R3HDM2: variants seen among roughly 807,000 people sequenced by gnomAD.
The protein encoded by R3HDM2 is R3H domain containing 2.
A neutral mutation model predicts 124.5 loss-of-function variants in R3HDM2; 38 were observed. That is an observed-to-expected ratio of 0.31 (90% CI 0.24 to 0.40). The LOEUF is 0.40. Among genes scored for constraint, R3HDM2 ranks in the 10% least tolerant of loss-of-function variants. The pLI is 1.00. For missense variants in R3HDM2, 869 were observed against 1,236.9 expected (o/e 0.70, Z 4.46); for synonymous variants, 391 against 448.0 (o/e 0.87, Z 1.61).
rs145955083 is a variant in R3HDM2, at chr12:57,397,054, T to C, written c.-105-1236A>G. Among the ~76,000 whole-genome samples the C allele has an allele frequency of 1.4e-3, 205 of 151,514 alleles. 2 individuals are homozygous for C. Among genetic ancestry groups the C allele is most frequent in the African/African-American group, 4.5e-3 (186 of 41,246 alleles). ...ATTGCAGTGAGCCAAGATCACACCA[T>C]TGCACTCCAGCCTGGGCAGCAAGAG... On this transcript the variant is annotated intron_variant, in intron 1 of 23. Transcript: ENST00000402412.
At position 57,268,357 on chromosome 12, in the gene R3HDM2, G is replaced by C. The variant is rs777902951; in HGVS notation, c.1976C>G (p.Ala659Gly). The C allele has an allele frequency of 5.0e-6, 8 of 1,614,098 alleles. No individual in the cohort carries two copies. The highest frequency in any genetic ancestry group is 6.8e-6 in the Non-Finnish European group (8 of 1,180,008). Residue 659 changes from alanine (A) to glycine (G), a missense_variant, in exon 18 of 24, where the codon GCG becomes GGG. By Grantham distance (60) the Ala-to-Gly change is moderately conservative. This residue lies in a region of R3HDM2 where 602 missense variants were observed against 789.2 expected (regional missense o/e 0.76). Transcript: ENST00000402412. The part of the protein sequence containing the change: ...SQSVQGGLPA[A>G]GVPVYYSMIP... ...CATGCTATAGTACACTGGTACCCCC[G>C]CTGCTGGGAGGCCTCCTTGCACAGA...
intron 1 of R3HDM2, among the ~76,000 whole-genome samples, chr12:57,397,377 C>T (rs1239789335): frequency 1.3e-5 from 2 of 152,166 alleles, no homozygotes; most frequent in Non-Finnish European, 2.9e-5. Context: ...AACACCCAAG[C>T]CCTACTGTGT....
At chr12:57,391,851 T>C (rs1356700707) in intron 2 of R3HDM2, among the ~76,000 whole-genome samples, 1 of 152,210 alleles carries the variant, frequency 6.6e-6, no homozygotes, top group East Asian at 1.9e-4. Flanking sequence ...ATATTCCACA[T>C]GTGCAAAGAG....
At chr12:57,353,342 C>G (rs985561686) in intron 2 of R3HDM2, among the ~76,000 whole-genome samples, 23 of 152,008 alleles carry the variant, frequency 1.5e-4, no homozygotes, top group African/African-American at 5.5e-4. Context: ...ACTCAAATGA[C>G]TAATAATAAA....
At chr12:57,367,593 T>C (rs2062823299) in intron 2 of R3HDM2, among the ~76,000 whole-genome samples, 2 of 152,196 alleles carry the variant, frequency 1.3e-5, no homozygotes, top group African/African-American at 4.8e-5. Context: ...CCAACCCTAG[T>C]TTCAACCCAG....
rs2038181981 is a variant in R3HDM2 at position 57,254,036 on chromosome 12, T to C, written c.*737A>G. 1 of 402,006 alleles carries C rather than the reference T, an allele frequency of 2.5e-6. No individual in the cohort carries two copies. Among genetic ancestry groups the C allele is most frequent in the Non-Finnish European group, 4.8e-6 (1 of 209,410 alleles). The allele number at this position is 402,006 out of a possible 1,614,324, so 24.9% of individuals were successfully genotyped here. ...GGAAGTGAGAGAATGGGGCAATCAATTTTGTTTATCTTAATTCTGTCCATA... is the reference window on the plus strand; with the variant it reads ...GGAAGTGAGAGAATGGGGCAATCAACTTTGTTTATCTTAATTCTGTCCATA... On this transcript the variant is annotated 3_prime_UTR_variant, in exon 24 of 24. Coordinates refer to ENST00000402412, the MANE Select transcript of R3HDM2 (RefSeq NM_001394031.1).
intron 2 of R3HDM2, among the ~76,000 whole-genome samples, chr12:57,374,913 G>A (rs1415861333): frequency 6.9e-6 from 1 of 145,212 alleles, no homozygotes; most frequent in African/African-American, 2.5e-5. Context: ...GGAGAATGGC[G>A]TGAACCCGGG....
At chr12:57,386,956 ACT>A (rs1382928123) in intron 2 of R3HDM2, among the ~76,000 whole-genome samples, 1 of 151,558 alleles carries the variant, frequency 6.6e-6, no homozygotes, top group East Asian at 1.9e-4. Context: ...CACCTTTGGC[ACT>A]CTGTATCTAG....
At chr12:57,283,695 C>T (rs1431208358) in intron 13 of R3HDM2, 129 bp downstream of exon 13, 1 of 899,428 alleles carries the variant, frequency 1.1e-6, no homozygotes, top group Non-Finnish European at 1.8e-6. Context: ...GCTGAGATCA[C>T]ACCACTGCAT....
chr12:57,406,673 C>T (rs2068554421), intron 1 of R3HDM2, among the ~76,000 whole-genome samples: 1 of 152,180 alleles, frequency 6.6e-6, no homozygotes, highest in African/African-American at 2.4e-5. Context: ...TGATTATCAA[C>T]AGCTGCTGAC....
At chr12:57,367,461 C>A (rs1479259649) in intron 2 of R3HDM2, among the ~76,000 whole-genome samples, 1 of 152,180 alleles carries the variant, frequency 6.6e-6, no homozygotes, top group Non-Finnish European at 1.5e-5. Context: ...CCAGAGCTCT[C>A]TTTTTCTTAA....
intron 20 of R3HDM2, among the ~76,000 whole-genome samples, 173 bp from the exon 21 acceptor site, chr12:57,258,310 T>TTTTG (rs769575782): frequency 1.4e-5 from 2 of 145,016 alleles, no homozygotes; most frequent in Non-Finnish European, 3.0e-5. Flanking sequence ...ATTTATGCTA[T>TTTTG]TTTATTTATT....
intron 1 of R3HDM2, among the ~76,000 whole-genome samples, chr12:57,401,459 G>A (rs141046749): frequency 3.9e-5 from 6 of 152,292 alleles, no homozygotes; most frequent in African/African-American, 7.2e-5. Context: ...CCTAGCTAAC[G>A]TGCCAACTGA....
chr12:57,349,373 C>A (rs1181813531), intron 2 of R3HDM2, among the ~76,000 whole-genome samples: 1 of 85,160 alleles, frequency 1.2e-5, no homozygotes, highest in Admixed American at 1.8e-4. Flanking sequence ...AGCGAGACTC[C>A]GTCTCCAAAA....
intron 11 of R3HDM2, among the ~76,000 whole-genome samples, chr12:57,291,160 A>G (rs12296766): frequency 0.44 from 67,160 of 151,162 alleles, 15,615 homozygotes; most frequent in South Asian, 0.52. Context: ...AGTTTGCTGT[A>G]TATCAGTTCC....
chr12:57,376,963 T>TA (rs2064143175), intron 2 of R3HDM2, among the ~76,000 whole-genome samples: 2 of 150,296 alleles, frequency 1.3e-5, no homozygotes, highest in African/African-American at 2.4e-5. Flanking sequence ...AAATAAAAAA[T>TA]AAAAAAAAAT....
chr12:57,300,168 A>G lies in R3HDM2; in HGVS notation c.221T>C (p.Leu74Pro). The G allele has an allele frequency of 3.9e-6, 6 of 1,551,580 alleles. No homozygotes were observed. Among genetic ancestry groups the G allele is most frequent in the Non-Finnish European group, 3.5e-6 (4 of 1,146,878 alleles). Residue 74 changes from leucine to proline, a missense_variant, in exon 5 of 24, where the codon CTA (leucine) becomes CCA (proline). Leu to Pro is a moderately conservative substitution (Grantham distance 98). Around this residue, in one of 2 missense-constraint regions of R3HDM2, gnomAD observed 267 missense variants for 447.7 expected, o/e 0.60. Coordinates refer to ENST00000402412, the MANE Select transcript of R3HDM2 (RefSeq NM_001394031.1). ...CACTGCCAGGCTACGCACCAACTTTAGCTTGGAATTAGACTGAAAAAAACA... is the reference window on the plus strand; with the variant it reads ...CACTGCCAGGCTACGCACCAACTTTGGCTTGGAATTAGACTGAAAAAAACA... ...ARKRAKSNSK[L>P]KLVRSLAVCE...
At position 57,271,971 on chromosome 12, in the gene R3HDM2, T is replaced by C. The variant is rs150395500; in HGVS notation, c.1345-1977A>G. 0.01 allele frequency among the ~76,000 whole-genome samples: 1,521 copies of C among 151,910 alleles called. 109 individuals carry two copies. In the East Asian group the frequency reaches 0.19, roughly 19 times the overall value. Reference sequence around the variant, plus strand: ...CAGTGGTGGTGCGATCTCGGCTCACTGCAACCTCAGCCTCTCAGGTTCAAG... The same window carrying C: ...CAGTGGTGGTGCGATCTCGGCTCACCGCAACCTCAGCCTCTCAGGTTCAAG... On this transcript the variant is annotated intron_variant, in intron 14 of 23. Coordinates refer to ENST00000402412, the MANE Select transcript of R3HDM2 (RefSeq NM_001394031.1).
chr12:57,264,179 C>G (rs982118686), intron 19 of R3HDM2, among the ~76,000 whole-genome samples: 1 of 146,838 alleles, frequency 6.8e-6, no homozygotes, highest in Non-Finnish European at 1.5e-5. Flanking sequence ...GAGGCAGAGG[C>G]TGCAGTGAGC....
Sources: gnomAD v4.1 joint callset for allele counts (sites outside exome capture counted in the v4.1 genomes callset) on GRCh38, gnomAD v4.1.1 for gene constraint, gnomAD v4.1.1 regional missense constraint, MANE v1.5 for transcripts, NCBI Gene and HGNC (gene_info 2026-07-23, HGNC 2026-07-21) for gene names.